Variants in NTM observed in about 807,000 individuals in gnomAD.
The protein encoded by NTM is neurotrimin, also known as IgLON family member 2.
A neutral mutation model predicts 42.1 loss-of-function variants in NTM; 13 were observed. The ratio of observed to expected loss-of-function variants is 0.31; its 90% CI spans 0.20 to 0.49. The LOEUF (loss-of-function observed/expected upper bound fraction) is 0.49. NTM is among the 20% of genes least tolerant of loss of function. NTM has a pLI of 0.99. For synonymous variants in NTM, 187 were observed against 179.2 expected (o/e 1.04, Z -0.35); for missense variants, 373 against 452.8 (o/e 0.82, Z 1.60).
chr11:131,664,077 C>G (rs928639484), intron 1 of NTM, among the ~76,000 whole-genome samples: 1 of 152,182 alleles, frequency 6.6e-6, no homozygotes, highest in Non-Finnish European at 1.5e-5. Flanking sequence ...GCAGAGCAAC[C>G]AAATTCTTGA....
At chr11:131,553,537 G>A (rs1407904506) in intron 1 of NTM, among the ~76,000 whole-genome samples, 1 of 152,066 alleles carries the variant, frequency 6.6e-6, no homozygotes, top group African/African-American at 2.4e-5. Context: ...CCTGCTCCCA[G>A]GTGTTCTGTA....
chr11:131,697,739 C>T (rs1477864331), intron 1 of NTM, among the ~76,000 whole-genome samples: 1 of 152,180 alleles, frequency 6.6e-6, no homozygotes, highest in Non-Finnish European at 1.5e-5. Context: ...CGTATTTCCA[C>T]ATGAATTCCT....
At chr11:131,983,044 G>A (rs1374918610) in intron 2 of NTM, among the ~76,000 whole-genome samples, 2 of 145,868 alleles carry the variant, frequency 1.4e-5, no homozygotes, top group Non-Finnish European at 3.0e-5. Context: ...GCTACTCAAA[G>A]GAAAATGATT....
chr11:132,215,901 G>C (rs1006921443), intron 4 of NTM, among the ~76,000 whole-genome samples: 12 of 152,126 alleles, frequency 7.9e-5, no homozygotes, highest in Admixed American at 2.6e-4. Flanking sequence ...CCATCCACAT[G>C]AAGGCTTATT....
At chr11:131,714,445 C>G (rs1344322536) in intron 1 of NTM, among the ~76,000 whole-genome samples, 1 of 152,162 alleles carries the variant, frequency 6.6e-6, no homozygotes, top group Non-Finnish European at 1.5e-5. Context: ...CCCACCTTGG[C>G]CTCCCAAATT....
At chr11:131,957,841 GAGAT>G (rs752596044) in intron 2 of NTM, among the ~76,000 whole-genome samples, 90 of 152,132 alleles carry the variant, frequency 5.9e-4, no homozygotes, top group Admixed American at 1.8e-3. Flanking sequence ...AAGGAAAGTC[GAGAT>G]AGATGGATGA....
intron 2 of NTM, among the ~76,000 whole-genome samples, chr11:131,988,228 C>A (rs1032225689): frequency 6.6e-6 from 1 of 152,242 alleles, no homozygotes; most frequent in African/African-American, 2.4e-5. Context: ...AGCCCTGCTT[C>A]CAGATACCAG....
At chr11:131,822,368 G>A (rs1055578999) in intron 1 of NTM, among the ~76,000 whole-genome samples, 2 of 152,100 alleles carry the variant, frequency 1.3e-5, no homozygotes, top group Admixed American at 1.3e-4. Context: ...GAATAGAATT[G>A]TTAAAAACAA....
At chr11:132,074,894 A>G (rs1790176) in intron 2 of NTM, among the ~76,000 whole-genome samples, 103,368 of 152,062 alleles carry the variant, frequency 0.68, 36,549 homozygotes, top group African/African-American at 0.85. Context: ...TTGAGATGAT[A>G]GATATATGAA....
intron 1 of NTM, among the ~76,000 whole-genome samples, chr11:131,389,365 C>T (rs960534088): frequency 1.4e-4 from 22 of 152,186 alleles, no homozygotes; most frequent in Non-Finnish European, 1.5e-4. Context: ...AACAATTTGC[C>T]GGTGCCCAGA....
chr11:132,009,889 G>A (rs2071703799), intron 2 of NTM, among the ~76,000 whole-genome samples: 1 of 152,154 alleles, frequency 6.6e-6, no homozygotes, highest in Admixed American at 6.5e-5. Context: ...ATATTTTGTG[G>A]TTTAAGGAAC....
chr11:132,001,290 C>CT (rs1252771885), intron 2 of NTM, among the ~76,000 whole-genome samples: 1 of 152,098 alleles, frequency 6.6e-6, no homozygotes, highest in Admixed American at 6.5e-5. Context: ...CTTAGTACCA[C>CT]TTTTTAAGGA....
intron 3 of NTM, among the ~76,000 whole-genome samples, chr11:132,175,929 T>C (rs1289015914): frequency 6.6e-6 from 1 of 152,212 alleles, no homozygotes; most frequent in African/African-American, 2.4e-5. Context: ...TTTTTTGTAA[T>C]TCTCCATCTT....
At chr11:132,239,127 G>A (rs941897777) in intron 4 of NTM, among the ~76,000 whole-genome samples, 4 of 152,246 alleles carry the variant, frequency 2.6e-5, no homozygotes, top group Middle Eastern at 3.4e-3. Context: ...GCCGTAAGTC[G>A]GTGACTTCAG....
intron 1 of NTM, among the ~76,000 whole-genome samples, chr11:131,668,001 C>T (rs969524921): frequency 6.6e-6 from 1 of 152,190 alleles, no homozygotes; most frequent in African/African-American, 2.4e-5. Context: ...CCTTGTGCGG[C>T]TTGAGCTTCA....
chr11:131,669,641 G>C (rs999453541), intron 1 of NTM, among the ~76,000 whole-genome samples: 10 of 152,180 alleles, frequency 6.6e-5, no homozygotes, highest in African/African-American at 2.2e-4. Context: ...CCAGGCTCAG[G>C]TGAGGCTCTG....
chr11:131,467,473 C>T (rs1470866329), intron 1 of NTM, among the ~76,000 whole-genome samples: 9 of 152,204 alleles, frequency 5.9e-5, no homozygotes, highest in Admixed American at 3.9e-4. Flanking sequence ...CACTTCAGAA[C>T]TCTATTATCT....
chr11:131,471,123 T>C (rs536237971), intron 1 of NTM, among the ~76,000 whole-genome samples: 57 of 152,304 alleles, frequency 3.7e-4, no homozygotes, highest in African/African-American at 1.3e-3. Flanking sequence ...CACAGACATG[T>C]TATTCATACA....
intron 2 of NTM, among the ~76,000 whole-genome samples, chr11:132,045,531 A>G (rs1207851148): frequency 6.6e-6 from 1 of 152,062 alleles, no homozygotes; most frequent in Non-Finnish European, 1.5e-5. Flanking sequence ...CTTCCATGCA[A>G]GTATTTATTT....
Sources: allele counts gnomAD v4.1 joint callset (sites outside exome capture counted in the v4.1 genomes callset), GRCh38; gene constraint gnomAD v4.1.1; transcripts MANE v1.5; gene names NCBI Gene and HGNC (gene_info 2026-07-23, HGNC 2026-07-21).